Variants in WDR72 observed in about 807,000 individuals in gnomAD.
WDR72 encodes the protein WD repeat-containing protein 72.
A neutral mutation model predicts 124.2 loss-of-function variants in WDR72; 120 were observed. That is an observed-to-expected ratio of 0.97 (90% CI 0.83 to 1.12). WDR72 has a LOEUF of 1.12. Ranked by LOEUF, WDR72 falls within the 50% of genes most tolerant of loss-of-function variation. WDR72 has a pLI of 0.00. For synonymous variants in WDR72, 452 were observed against 441.7 expected (o/e 1.02, Z -0.29); for missense variants, 1,387 against 1,278.8 (o/e 1.08, Z -1.29).
intron 9 of WDR72, among the ~76,000 whole-genome samples, chr15:53,709,942 T>C (rs1182067362): frequency 6.6e-6 from 1 of 152,140 alleles, no homozygotes; most frequent in African/African-American, 2.4e-5. Context: ...TCAAAACTCT[T>C]CCACTCTCCA....
chr15:53,702,467 T>A (rs2017213655), intron 11 of WDR72, 113 bp from the exon 12 acceptor site: 1 of 859,590 alleles, frequency 1.2e-6, no homozygotes. Flanking sequence ...AATTAAAGCA[T>A]GCACTTGGCT....
chr15:53,680,935 T>C (rs537209009), intron 13 of WDR72, among the ~76,000 whole-genome samples: 18 of 152,176 alleles, frequency 1.2e-4, no homozygotes, highest in Non-Finnish European at 2.6e-4. Flanking sequence ...GGCAACATTA[T>C]TTGCAGCACA....
intron 18 of WDR72, among the ~76,000 whole-genome samples, chr15:53,551,522 T>A (rs1406856705): frequency 6.6e-6 from 1 of 152,182 alleles, no homozygotes; most frequent in African/African-American, 2.4e-5. Context: ...AAGAAAGTCA[T>A]ATCTCCCTTC....
intron 13 of WDR72, among the ~76,000 whole-genome samples, chr15:53,689,290 G>A (rs1356896809): frequency 2.7e-5 from 4 of 150,064 alleles, no homozygotes; most frequent in African/African-American, 1.0e-4. Flanking sequence ...CCTACAAAAT[G>A]GGAGAAAATT....
intron 2 of WDR72, among the ~76,000 whole-genome samples, chr15:53,730,772 C>T (rs1326181116): frequency 6.6e-6 from 1 of 152,074 alleles, no homozygotes; most frequent in East Asian, 1.9e-4. Flanking sequence ...CCAAATTATT[C>T]CTTTATATAC....
chr15:53,563,422 G>A (rs1167277752), intron 18 of WDR72, among the ~76,000 whole-genome samples: 1 of 151,756 alleles, frequency 6.6e-6, no homozygotes, highest in African/African-American at 2.4e-5. Context: ...AGGAAAGCAA[G>A]ATCTGCCTGT....
intron 13 of WDR72, among the ~76,000 whole-genome samples, chr15:53,698,752 G>C (rs1164839476): frequency 6.6e-6 from 1 of 152,116 alleles, no homozygotes; most frequent in Non-Finnish European, 1.5e-5. Flanking sequence ...CCACTTATTA[G>C]TTGTACAGTC....
intron 13 of WDR72, among the ~76,000 whole-genome samples, chr15:53,675,154 C>A (rs577016786): frequency 2.0e-5 from 3 of 152,180 alleles, no homozygotes; most frequent in Middle Eastern, 6.8e-3. Flanking sequence ...ACCATCCTGG[C>A]CAACATGGTG....
chr15:53,632,216 T>G (rs1368284019), intron 14 of WDR72, among the ~76,000 whole-genome samples: 1 of 152,038 alleles, frequency 6.6e-6, no homozygotes, highest in African/African-American at 2.4e-5. Context: ...CACTGCTCCT[T>G]GCATCCCTGC....
At chr15:53,601,390 A>T (rs1487876245) in intron 17 of WDR72, among the ~76,000 whole-genome samples, 2 of 152,320 alleles carry the variant, frequency 1.3e-5, no homozygotes, top group East Asian at 3.9e-4. Context: ...GACTGTTACC[A>T]GCCATTACAA....
chr15:53,579,906 AG>A lies in WDR72; in HGVS notation c.3148+17172del, dbSNP rs757602786. ...CCAACAGCTGGAGTAAGTCTAGTTC[AG>A]GGTTGAAGTAAGGACTTCATTATGT... On this transcript the variant is annotated intron_variant, in intron 18 of 19. Coordinates refer to ENST00000360509, the MANE Select transcript of WDR72 (RefSeq NM_182758.4). 7.2e-5 allele frequency among the ~76,000 whole-genome samples: 11 copies of A among 152,152 alleles called. 1 individual carries two copies. The highest frequency in any genetic ancestry group is 2.6e-4 in the Admixed American group (4 of 15,256).
intron 18 of WDR72, among the ~76,000 whole-genome samples, chr15:53,564,707 G>T (rs537594119): frequency 3.3e-5 from 5 of 151,794 alleles, no homozygotes; most frequent in Admixed American, 6.6e-5. Flanking sequence ...CCTATCAAAG[G>T]TCTTATTCAG....
At chr15:53,611,646 G>C (rs2013543613) in intron 16 of WDR72, among the ~76,000 whole-genome samples, 1 of 152,048 alleles carries the variant, frequency 6.6e-6, no homozygotes, top group African/African-American at 2.4e-5. Flanking sequence ...CAGTGGACAG[G>C]AAATGGGGTT....
At chr15:53,561,002 C>T (rs1894106319) in intron 18 of WDR72, among the ~76,000 whole-genome samples, 1 of 151,828 alleles carries the variant, frequency 6.6e-6, no homozygotes, top group African/African-American at 2.4e-5. Flanking sequence ...GATATTATTA[C>T]CACAGTCCTT....
intron 11 of WDR72, among the ~76,000 whole-genome samples, chr15:53,703,338 A>G (rs1013968284): frequency 1.3e-5 from 2 of 152,176 alleles, no homozygotes; most frequent in Admixed American, 6.5e-5. Context: ...CAGATAAAGC[A>G]TCTGAGGCTC....
intron 18 of WDR72, among the ~76,000 whole-genome samples, chr15:53,581,910 A>G (rs2011949746): frequency 1.3e-5 from 2 of 152,110 alleles, no homozygotes; most frequent in African/African-American, 2.4e-5. Flanking sequence ...ACATTAAAAT[A>G]ATAGATTAAA....
At chr15:53,742,387 A>G (rs2018533459) in intron 1 of WDR72, among the ~76,000 whole-genome samples, 1 of 152,212 alleles carries the variant, frequency 6.6e-6, no homozygotes, top group Admixed American at 6.5e-5. Flanking sequence ...TGTGTTTCAA[A>G]TAATTATGTG....
At chr15:53,699,433 G>T (rs2017098598) in intron 13 of WDR72, among the ~76,000 whole-genome samples, 1 of 152,160 alleles carries the variant, frequency 6.6e-6, no homozygotes, top group African/African-American at 2.4e-5. Flanking sequence ...ATGATAATTT[G>T]AGACCAGTAG....
chr15:53,681,880 G>GA (rs141855002), intron 13 of WDR72, among the ~76,000 whole-genome samples: 16 of 149,854 alleles, frequency 1.1e-4, no homozygotes, highest in Non-Finnish European at 7.4e-5. Context: ...TGTGTCACTT[G>GA]AAAAAAAAAG....
Sources: allele counts gnomAD v4.1 joint callset (sites outside exome capture counted in the v4.1 genomes callset), GRCh38; gene constraint gnomAD v4.1.1; transcripts MANE v1.5; gene names NCBI Gene and HGNC (gene_info 2026-07-23, HGNC 2026-07-21).